TMEM232: variants seen among roughly 807,000 people sequenced by gnomAD.
TMEM232 encodes transmembrane protein 232.
TMEM232 carries 80 observed loss-of-function variants against 78.8 expected under a neutral mutation model. The observed-to-expected ratio is 1.01, with a 90% CI of 0.85 to 1.22. The LOEUF is 1.22. TMEM232 is among the 50% of genes most tolerant of loss of function. The pLI, the probability that TMEM232 is intolerant of heterozygous loss-of-function variation, is 0.00. For synonymous variants in TMEM232, 297 were observed against 254.3 expected, an observed-to-expected ratio of 1.17 and a Z score of -1.60; for missense variants, 881 against 742.2, an observed-to-expected ratio of 1.19 and a Z score of -2.17.
chr5:110,561,459 T>G (rs1215499362), intron 11 of TMEM232, among the ~76,000 whole-genome samples: 1 of 151,958 alleles, frequency 6.6e-6, no homozygotes, highest in Non-Finnish European at 1.5e-5. Context: ...TTAATGCACA[T>G]AAAGTGTTTA....
At chr5:110,656,980 A>G (rs1789165130) in intron 2 of TMEM232, among the ~76,000 whole-genome samples, 1 of 152,234 alleles carries the variant, frequency 6.6e-6, no homozygotes, top group Non-Finnish European at 1.5e-5. Context: ...TGATGTTTCA[A>G]TGCATGTGTT....
chr5:110,407,832 C>A (rs549349378), intron 2 of TMEM232, among the ~76,000 whole-genome samples: 63 of 151,956 alleles, frequency 4.1e-4, no homozygotes, highest in African/African-American at 1.5e-3. Context: ...TTATCTCTGA[C>A]CACAATGGAA....
chr5:110,716,708 T>C (rs764331146), intron 1 of TMEM232, among the ~76,000 whole-genome samples: 1 of 152,154 alleles, frequency 6.6e-6, no homozygotes, highest in Non-Finnish European at 1.5e-5. Flanking sequence ...ACGGCATTAG[T>C]CTGTGGCCAG....
chr5:110,607,747 T>A (rs1159929130), intron 8 of TMEM232, among the ~76,000 whole-genome samples: 1 of 152,004 alleles, frequency 6.6e-6, no homozygotes, highest in Non-Finnish European at 1.5e-5. Context: ...CCAGGTAAGC[T>A]ATTATTTTTC....
intron 12 of TMEM232, among the ~76,000 whole-genome samples, chr5:110,505,126 A>G (rs146710985): frequency 1.3e-5 from 2 of 152,290 alleles, no homozygotes; most frequent in East Asian, 1.9e-4. Context: ...GAGTTCTTAT[A>G]CTAACTCTGA....
chr5:110,421,342 G>C (rs1756619926), intron 13 of TMEM232, among the ~76,000 whole-genome samples: 1 of 151,520 alleles, frequency 6.6e-6, no homozygotes, highest in African/African-American at 2.4e-5. Context: ...GTAAATAGTA[G>C]TATATTGGAA....
At chr5:110,451,933 GT>G (rs1760341232) in intron 12 of TMEM232, among the ~76,000 whole-genome samples, 1 of 151,956 alleles carries the variant, frequency 6.6e-6, no homozygotes, top group Non-Finnish European at 1.5e-5. Flanking sequence ...CAGAAAATCT[GT>G]TTAAAAACAA....
intron 10 of TMEM232, among the ~76,000 whole-genome samples, chr5:110,596,184 C>T (rs1296249243): frequency 1.3e-5 from 2 of 152,064 alleles, no homozygotes; most frequent in Non-Finnish European, 2.9e-5. Flanking sequence ...AAGGGGATAT[C>T]ACCACCGATC....
At chr5:110,437,232 A>G (rs947010240) in intron 12 of TMEM232, among the ~76,000 whole-genome samples, 4 of 151,886 alleles carry the variant, frequency 2.6e-5, no homozygotes, top group East Asian at 3.9e-4. Flanking sequence ...CTTTATTGAT[A>G]TATTTTTCAG....
At chr5:110,580,853 G>A (rs1382436815) in intron 10 of TMEM232, among the ~76,000 whole-genome samples, 2 of 151,030 alleles carry the variant, frequency 1.3e-5, no homozygotes, top group East Asian at 3.9e-4. Flanking sequence ...CAACCACAGT[G>A]GAATGAAACT....
intron 12 of TMEM232, among the ~76,000 whole-genome samples, chr5:110,521,779 T>C (rs1388837996): frequency 4.6e-5 from 7 of 152,154 alleles, no homozygotes; most frequent in Admixed American, 1.3e-4. Context: ...TGGTCATGAA[T>C]TTATTTCTGG....
intron 10 of TMEM232, among the ~76,000 whole-genome samples, chr5:110,572,776 G>C (rs1335292660): frequency 1.3e-5 from 2 of 151,934 alleles, no homozygotes; most frequent in African/African-American, 4.8e-5. Flanking sequence ...TTCACAGGGA[G>C]AATCATTACA....
At chr5:110,465,098 A>C (rs973921475) in intron 12 of TMEM232, among the ~76,000 whole-genome samples, 1 of 152,226 alleles carries the variant, frequency 6.6e-6, no homozygotes, top group Non-Finnish European at 1.5e-5. Context: ...ATGATCTTCA[A>C]TGTAGGTGTA....
rs1371997436 is a variant in TMEM232, at chr5:110,587,683, ATATATATATGTGTGTGTGTGTGTGTG to A, written c.1276+17400_1276+17425del. Among the ~76,000 whole-genome samples, 68 of 92,014 alleles carry A rather than the reference ATATATATATGTGTGTGTGTGTGTGTG, an allele frequency of 7.4e-4. 1 individual carries two copies. The highest frequency in any genetic ancestry group is 3.5e-3 in the African/African-American group (63 of 17,880). The allele number at this position is 92,014 out of a possible 152,430, so 60.4% of individuals were successfully genotyped here. A position where few individuals can be genotyped will look rare whatever the true frequency, so the allele number is the denominator to read the frequency against. On this transcript the variant is annotated intron_variant, in intron 10 of 13. Transcript: ENST00000455884. The stretch of plus-strand genomic sequence containing the variant: ...TGTATGTATATATATATATATATAT[ATATATATATGTGTGTGTGTGTGTGTG>A]TGTGTGTGTGTGTGTGTGTGTGTGT...
intron 12 of TMEM232, among the ~76,000 whole-genome samples, chr5:110,465,395 G>A (rs550437828): frequency 8.5e-5 from 13 of 152,176 alleles, no homozygotes; most frequent in Non-Finnish European, 1.6e-4. Flanking sequence ...TCTATAAAAG[G>A]GTAGCCTAGA....
intron 1 of TMEM232, among the ~76,000 whole-genome samples, chr5:110,669,191 G>A (rs1791024953): frequency 1.3e-5 from 2 of 152,130 alleles, no homozygotes; most frequent in Admixed American, 1.3e-4. Flanking sequence ...GAATCCAGGA[G>A]CTGGTTTTTA....
At chr5:110,675,918 C>A (rs1041607224) in intron 1 of TMEM232, among the ~76,000 whole-genome samples, 1 of 152,134 alleles carries the variant, frequency 6.6e-6, no homozygotes, top group South Asian at 2.1e-4. Context: ...CAACATCCCC[C>A]ATTTCTACCT....
chr5:110,396,261 C>T (rs1755383959), intron 3 of TMEM232, among the ~76,000 whole-genome samples: 1 of 152,164 alleles, frequency 6.6e-6, no homozygotes, highest in Non-Finnish European at 1.5e-5. Context: ...CCACCCTAAT[C>T]ACCCAATCAC....
intron 12 of TMEM232, among the ~76,000 whole-genome samples, chr5:110,458,347 C>A (rs1761122838): frequency 6.6e-6 from 1 of 151,644 alleles, no homozygotes; most frequent in Admixed American, 6.6e-5. Flanking sequence ...TTGAGGAGCT[C>A]CTGATCTTTA....
Sources: allele counts gnomAD v4.1 joint callset (sites outside exome capture counted in the v4.1 genomes callset), GRCh38; gene constraint gnomAD v4.1.1; transcripts MANE v1.5; gene names NCBI Gene and HGNC (gene_info 2026-07-23, HGNC 2026-07-21).